The following CCDC30 variants were observed in gnomAD, a reference collection of about 807,000 sequenced individuals.
The protein encoded by CCDC30 is coiled-coil domain containing 30, also known as coiled-coil domain-containing protein 30.
CCDC30 carries 70 observed loss-of-function variants against 100.2 expected under a neutral mutation model. The ratio of observed to expected loss-of-function variants is 0.70; its 90% CI spans 0.58 to 0.85. The LOEUF (loss-of-function observed/expected upper bound fraction) is 0.85, where lower values mean the gene tolerates loss of function less well. Ranked by LOEUF, CCDC30 falls within the 40% of genes least tolerant of loss-of-function variation. The pLI, the probability that CCDC30 is intolerant of heterozygous loss-of-function variation, is 0.00. For synonymous variants in CCDC30, 233 were observed against 269.5 expected (o/e 0.86, Z 1.33); for missense variants, 652 against 771.2 (o/e 0.85, Z 1.83).
chr1:42,504,960 A>G (rs1557811693), intron 6 of CCDC30, among the ~76,000 whole-genome samples: 1 of 152,240 alleles, frequency 6.6e-6, no homozygotes, highest in Non-Finnish European at 1.5e-5. Flanking sequence ...CTTCATGTTT[A>G]CCTCTTGTCA....
At chr1:42,515,641 A>C (rs985889272) in intron 6 of CCDC30, among the ~76,000 whole-genome samples, 1 of 152,218 alleles carries the variant, frequency 6.6e-6, no homozygotes, top group Non-Finnish European at 1.5e-5. Flanking sequence ...AACTCTGATA[A>C]ATAAACTTCT....
intron 13 of CCDC30, among the ~76,000 whole-genome samples, chr1:42,643,621 A>G (rs914385890): frequency 6.6e-6 from 1 of 152,160 alleles, no homozygotes; most frequent in African/African-American, 2.4e-5. Flanking sequence ...CCTGGACTGG[A>G]TTGAATGTTT....
intron 11 of CCDC30, among the ~76,000 whole-genome samples, chr1:42,625,495 G>A (rs1174155967): frequency 6.6e-6 from 1 of 151,612 alleles, no homozygotes; most frequent in Non-Finnish European, 1.5e-5. Context: ...TTTTATGTAG[G>A]CACTTACAGC....
intron 12 of CCDC30, among the ~76,000 whole-genome samples, chr1:42,642,015 G>A (rs1288408161): frequency 6.6e-6 from 1 of 152,108 alleles, no homozygotes; most frequent in Non-Finnish European, 1.5e-5. Flanking sequence ...CACAAGGTCA[G>A]GAGATCGAGA....
At chr1:42,531,033 T>C (rs67958936) in intron 6 of CCDC30, among the ~76,000 whole-genome samples, 56,866 of 152,102 alleles carry the variant, frequency 0.37, 11,066 homozygotes, top group East Asian at 0.59. Flanking sequence ...AATTTCATGT[T>C]GAATTGTAAT....
chr1:42,626,866 C>A (rs1646943034), intron 11 of CCDC30, among the ~76,000 whole-genome samples: 1 of 152,182 alleles, frequency 6.6e-6, no homozygotes, highest in African/African-American at 2.4e-5. Flanking sequence ...AATTAAACCT[C>A]TTTTTATTCC....
intron 1 of CCDC30, among the ~76,000 whole-genome samples, chr1:42,470,209 G>C (rs748078291): frequency 6.6e-6 from 1 of 152,088 alleles, no homozygotes; most frequent in Non-Finnish European, 1.5e-5. Context: ...AGGATGTAAT[G>C]GTCCAGAGAT....
chr1:42,511,727 G>A (rs890870936), intron 6 of CCDC30, among the ~76,000 whole-genome samples: 3 of 151,998 alleles, frequency 2.0e-5, no homozygotes, highest in African/African-American at 7.3e-5. Flanking sequence ...AGGAGAATTT[G>A]GCAAAGGGAC....
intron 11 of CCDC30, among the ~76,000 whole-genome samples, chr1:42,623,392 A>G (rs1570279446): frequency 6.6e-6 from 1 of 152,172 alleles, no homozygotes; most frequent in Admixed American, 6.5e-5. Flanking sequence ...TCCTTAATCA[A>G]TTTTGATTTG....
At chr1:42,541,065 A>G (rs562828036) in intron 6 of CCDC30, among the ~76,000 whole-genome samples, 125 of 152,328 alleles carry the variant, frequency 8.2e-4, no homozygotes, top group African/African-American at 2.2e-3. Context: ...CTGCTATAAC[A>G]TAATACAATA....
At chr1:42,527,599 A>G (rs888578941) in intron 6 of CCDC30, among the ~76,000 whole-genome samples, 1 of 152,232 alleles carries the variant, frequency 6.6e-6, no homozygotes, top group African/African-American at 2.4e-5. Flanking sequence ...TTTCTTTAGA[A>G]TTACTGAAGG....
At chr1:42,502,970 C>T (rs1644343634) in intron 6 of CCDC30, among the ~76,000 whole-genome samples, 1 of 152,116 alleles carries the variant, frequency 6.6e-6, no homozygotes, top group African/African-American at 2.4e-5. Flanking sequence ...GCAGCCTTGA[C>T]CTTCCAGGCT....
intron 6 of CCDC30, among the ~76,000 whole-genome samples, chr1:42,499,706 C>G (rs1644279402): frequency 6.6e-6 from 1 of 152,030 alleles, no homozygotes; most frequent in Non-Finnish European, 1.5e-5. Flanking sequence ...TCTCAAACTC[C>G]TGGCCTCAGG....
At chr1:42,525,655 G>T (rs1260129901) in intron 6 of CCDC30, among the ~76,000 whole-genome samples, 1 of 152,146 alleles carries the variant, frequency 6.6e-6, no homozygotes, top group Non-Finnish European at 1.5e-5. Context: ...GTCGAGGACT[G>T]AATTTTATTG....
intron 6 of CCDC30, among the ~76,000 whole-genome samples, chr1:42,503,572 T>A (rs534551894): frequency 2.1e-5 from 3 of 143,104 alleles, no homozygotes; most frequent in African/African-American, 7.7e-5. Flanking sequence ...TACACGTGGC[T>A]GGCAAAGAGA....
chr1:42,628,866 G>A (rs546328543), intron 11 of CCDC30, among the ~76,000 whole-genome samples: 1 of 152,066 alleles, frequency 6.6e-6, no homozygotes, highest in African/African-American at 2.4e-5. Flanking sequence ...TTATTTTAAC[G>A]TGATTACAAC....
chr1:42,524,105 CTT>C (rs199539747), intron 6 of CCDC30, among the ~76,000 whole-genome samples: 1 of 141,420 alleles, frequency 7.1e-6, no homozygotes, highest in Non-Finnish European at 1.6e-5. Context: ...GTTTTGTTTT[CTT>C]TTTTTTTTTA....
At chr1:42,605,063 C>T (rs972165631) in intron 10 of CCDC30, among the ~76,000 whole-genome samples, 3 of 152,108 alleles carry the variant, frequency 2.0e-5, no homozygotes, top group African/African-American at 7.2e-5. Context: ...AGGTCAAACC[C>T]TTTGATTGTA....
chr1:42,648,043 C>T (rs915396172), intron 15 of CCDC30, among the ~76,000 whole-genome samples: 23 of 152,166 alleles, frequency 1.5e-4, no homozygotes, highest in Admixed American at 1.5e-3. Flanking sequence ...CGGGTTCAAG[C>T]GATTCTCCTG....
Sources: allele counts gnomAD v4.1 joint callset (sites outside exome capture counted in the v4.1 genomes callset), GRCh38; gene constraint gnomAD v4.1.1; transcripts MANE v1.5; gene names NCBI Gene and HGNC (gene_info 2026-07-23, HGNC 2026-07-21).